Variants in CAMK2N1 observed in about 807,000 individuals in gnomAD.
The protein encoded by CAMK2N1 is calcium/calmodulin-dependent protein kinase II inhibitor 1.
Under a neutral mutation model 6.4 loss-of-function variants are expected in CAMK2N1, and 2 were observed. That is an observed-to-expected ratio of 0.31 (90% confidence interval 0.13 to 0.98). The LOEUF is 0.98. CAMK2N1 is among the 50% of genes least tolerant of loss of function. The probability of loss-of-function intolerance (pLI) is 0.51; values close to 1 mark genes in which losing one functional copy is unlikely to be tolerated. For missense variants in CAMK2N1, 77 were observed against 107.3 expected (o/e 0.72, Z 1.25); for synonymous variants, 42 against 47.5 (o/e 0.88, Z 0.47).
rs749065372 is a variant in CAMK2N1, at chr1:20,483,723, CA to C, written c.167-5del. 5 of 1,613,308 alleles carry C rather than the reference CA, an allele frequency of 3.1e-6. No individual in the cohort carries two copies. In the African/African-American group the frequency reaches 5.3e-5, roughly 17 times the overall value. On this transcript the variant is annotated splice_polypyrimidine_tract_variant and splice_region_variant and intron_variant, in intron 1 of 1. Coordinates refer to ENST00000375078, the MANE Select transcript of CAMK2N1 (RefSeq NM_018584.6). ...ATCCTATCATCTTCAATAACAACTG[CA>C]AAAAAAGGGGGGAAAAGAGAGGTGA... is the stretch of plus-strand genomic sequence containing the variant.
At position 20,485,087 on chromosome 1, in the gene CAMK2N1, C is replaced by G; in HGVS notation, c.166+127G>C. 3.6e-6 allele frequency: 4 copies of G among 1,113,250 alleles called. No individual in the cohort carries two copies. In the South Asian group the frequency reaches 6.8e-5, roughly 19 times the overall value. 69.0% of individuals were successfully genotyped at this position (1,113,250 alleles called of 1,614,324 possible). A position where few individuals can be genotyped will look rare whatever the true frequency, so the allele number is the denominator to read the frequency against. On this transcript the variant is annotated intron_variant, in intron 1 of 1. Coordinates refer to ENST00000375078, the MANE Select transcript of CAMK2N1 (RefSeq NM_018584.6). This position sits in a 1 kb window ranked among gnomAD's most constrained non-coding sequence, Gnocchi z 8.4. ...CAGCCGGACCCGCAGTGCGGGATCC[C>G]CCAATTCTGCAAGAAGGGATTCCGT...
Position 20,482,494 on chromosome 1 carries a change from G to C in CAMK2N1, c.*1155C>G, listed in dbSNP as rs1016925181. On this transcript the variant is annotated 3_prime_UTR_variant, in exon 2 of 2. Transcript: ENST00000375078. ...ATTGAATTAAGAAAAGAGGGAACGG[G>C]GAAGGGAAGGGAAACCTCTTGAGGT... is the stretch of plus-strand genomic sequence containing the variant. The C allele has an allele frequency of 2.7e-4, 41 of 152,552 alleles. No homozygotes were observed. The highest frequency in any genetic ancestry group is 7.3e-5 in the Non-Finnish European group (5 of 68,032). 9.4% of individuals were successfully genotyped at this position (152,552 alleles called of 1,614,324 possible).
At position 20,484,122 on chromosome 1, in the gene CAMK2N1, G is replaced by A. The variant is rs998645843; in HGVS notation, c.167-403C>T. Among the ~76,000 whole-genome samples the A allele has an allele frequency of 4.6e-5, 7 of 152,224 alleles. No homozygotes were observed. Among genetic ancestry groups the A allele is most frequent in the African/African-American group, 7.2e-5 (3 of 41,470 alleles). ...TCGGGACCCCAGGTAAGTCCCGAGC[G>A]CAGCTCCGGTGGGCAAGGCTAGGTG... On this transcript the variant is annotated intron_variant, in intron 1 of 1. Transcript: ENST00000375078. The surrounding 1 kb of genome is among the most constrained non-coding windows in gnomAD (Gnocchi z 6.8).
Position 20,483,504 on chromosome 1 carries a change from G to C in CAMK2N1, c.*145C>G. The stretch of plus-strand genomic sequence containing the variant: ...CTCCTCTCGCCTCATCTGTCTCCCG[G>C]CCTGATACCAGATACAGGTTGTTGA... On this transcript the variant is annotated 3_prime_UTR_variant, in exon 2 of 2. Transcript: ENST00000375078. The C allele has an allele frequency of 1.4e-6, 1 of 700,854 alleles. No homozygotes were observed. Among genetic ancestry groups the C allele is most frequent in the South Asian group, 1.7e-5 (1 of 57,878 alleles). The allele number at this position is 700,854 out of a possible 1,614,324, so 43.4% of individuals were successfully genotyped here.
rs954677224 is a variant in CAMK2N1, at chr1:20,484,430, C to T, written c.167-711G>A. The T allele has an allele frequency of 2.0e-5, 3 of 152,306 alleles. No individual in the cohort carries two copies. The highest frequency in any genetic ancestry group is 4.8e-5 in the African/African-American group (2 of 41,446). 9.4% of individuals were successfully genotyped at this position (152,306 alleles called of 1,614,324 possible). A position where few individuals can be genotyped will look rare whatever the true frequency, so the allele number is the denominator to read the frequency against. On this transcript the variant is annotated intron_variant, in intron 1 of 1. Transcript: ENST00000375078. This position sits in a 1 kb window ranked among gnomAD's most constrained non-coding sequence, Gnocchi z 6.8. Reference sequence around the variant, plus strand: ...GTCCCTCGGCGCGACGGCCGGCAGCCGATCGAGGTCTCTGTCTCTCCCTGT... The same window carrying T: ...GTCCCTCGGCGCGACGGCCGGCAGCTGATCGAGGTCTCTGTCTCTCCCTGT...
rs1206797663 is a variant in CAMK2N1 at position 20,484,934 on chromosome 1, G to A, written c.166+280C>T. ...ACACTGCGCAAAAGGCGGGGGTGGG[G>A]GGCGCAAATCAAAAAGCAAACTTTG... On this transcript the variant is annotated intron_variant, in intron 1 of 1. Coordinates refer to ENST00000375078, the MANE Select transcript of CAMK2N1 (RefSeq NM_018584.6). The surrounding 1 kb of genome is among the most constrained non-coding windows in gnomAD (Gnocchi z 6.8). Among the ~76,000 whole-genome samples the A allele has an allele frequency of 6.6e-6, 1 of 152,178 alleles. No individual in the cohort carries two copies. The highest frequency in any genetic ancestry group is 1.5e-5 in the Non-Finnish European group (1 of 68,020).
In CAMK2N1 at chr1:20,482,637, G is replaced by C. The variant is rs756952196; in HGVS notation, c.*1012C>G. On this transcript the variant is annotated 3_prime_UTR_variant, in exon 2 of 2. Transcript: ENST00000375078. ...GAGAATCCCTATAAATAACAGAAAA[G>C]ACACTCCAAGCATTCCTGTACGTGG... The C allele has an allele frequency of 6.6e-6, 1 of 152,518 alleles. No individual in the cohort carries two copies. The highest frequency in any genetic ancestry group is 1.5e-5 in the Non-Finnish European group (1 of 68,024). The allele number at this position is 152,518 out of a possible 1,614,324, so 9.4% of individuals were successfully genotyped here.
Position 20,485,152 on chromosome 1 carries a change from A to G in CAMK2N1, c.166+62T>C. ...CTCCAGCGGGTGGGAGACCTCCGCA[A>G]CCCTTGTTCAGGCCGCGGCGCGGGA... is the stretch of plus-strand genomic sequence containing the variant. On this transcript the variant is annotated intron_variant, in intron 1 of 1. Transcript: ENST00000375078. This position sits in a 1 kb window ranked among gnomAD's most constrained non-coding sequence, Gnocchi z 8.4. 1 of 1,511,670 alleles carries G rather than the reference A, an allele frequency of 6.6e-7. No homozygotes were observed. 93.6% of individuals were successfully genotyped at this position (1,511,670 alleles called of 1,614,324 possible). A position where few individuals can be genotyped will look rare whatever the true frequency, so the allele number is the denominator to read the frequency against.
At position 20,486,207 on chromosome 1, in the gene CAMK2N1, A is replaced by G. The variant is rs1570323949; in HGVS notation, c.-828T>C. On this transcript the variant is annotated 5_prime_UTR_variant, in exon 1 of 2. Coordinates refer to ENST00000375078, the MANE Select transcript of CAMK2N1 (RefSeq NM_018584.6). The surrounding 1 kb of genome is among the most constrained non-coding windows in gnomAD (Gnocchi z 6.5). ...AGAGGAGGCAGCGAGCTGCGAGGAG[A>G]AATGCCGGCCGCGGCGCCGAGGCGA... 6.7e-6 allele frequency: 1 copy of G among 149,894 alleles called. No homozygotes were observed. Among genetic ancestry groups the G allele is most frequent in the East Asian group, 2.1e-4 (1 of 4,838 alleles). 9.3% of individuals were successfully genotyped at this position (149,894 alleles called of 1,614,324 possible).
At position 20,485,124 on chromosome 1, in the gene CAMK2N1, G is replaced by A; in HGVS notation, c.166+90C>T. ...AGAAGGGATTCCGTCAGGTCTGAAC[G>A]GGCTCCAGCGGGTGGGAGACCTCCG... On this transcript the variant is annotated intron_variant, in intron 1 of 1. Transcript: ENST00000375078. This position sits in a 1 kb window ranked among gnomAD's most constrained non-coding sequence, Gnocchi z 8.4. The A allele has an allele frequency of 7.3e-7, 1 of 1,377,538 alleles. No individual in the cohort carries two copies. Among genetic ancestry groups the A allele is most frequent in the South Asian group, 1.4e-5 (1 of 72,674 alleles). 85.3% of individuals were successfully genotyped at this position (1,377,538 alleles called of 1,614,324 possible).
intron 1 of CAMK2N1, 93 bp from the exon 2 acceptor site, chr1:20,483,812 G>C: frequency 8.8e-7 from 1 of 1,137,798 alleles, no homozygotes; most frequent in South Asian, 1.2e-5. Flanking sequence ...GGGAGGTCGG[G>C]AGAGGAGAGG....
rs2051485587 is a variant in CAMK2N1 at position 20,483,561 on chromosome 1, T to C, written c.*88A>G. The C allele has an allele frequency of 7.5e-6, 9 of 1,204,950 alleles. No individual in the cohort carries two copies. Among genetic ancestry groups the C allele is most frequent in the Non-Finnish European group, 1.1e-5 (9 of 810,096 alleles). The allele number at this position is 1,204,950 out of a possible 1,614,324, so 74.6% of individuals were successfully genotyped here. ...CGTGGGTAGCAAGCTAGTAATAAAT[T>C]TCAAAGTGCTTTCTCTTTTCATGCT... On this transcript the variant is annotated 3_prime_UTR_variant, in exon 2 of 2. Coordinates refer to ENST00000375078, the MANE Select transcript of CAMK2N1 (RefSeq NM_018584.6).
Position 20,483,646 on chromosome 1 carries a change from G to A in CAMK2N1, c.*3C>T, listed in dbSNP as rs778043761. The stretch of plus-strand genomic sequence containing the variant: ...CTCCCTTAACTCATTGTCTTTGGGG[G>A]AGTTAGACACCAGGAGGTGCCTTGT... On this transcript the variant is annotated 3_prime_UTR_variant, in exon 2 of 2. Coordinates refer to ENST00000375078, the MANE Select transcript of CAMK2N1 (RefSeq NM_018584.6). The A allele has an allele frequency of 1.2e-6, 2 of 1,611,778 alleles. No homozygotes were observed. Among genetic ancestry groups the A allele is most frequent in the East Asian group, 4.5e-5 (2 of 44,872 alleles).
Position 20,482,626 on chromosome 1 carries a change from A to G in CAMK2N1, c.*1023T>C, listed in dbSNP as rs984440564. The stretch of plus-strand genomic sequence containing the variant: ...GTGTGCCTTAAGAGAATCCCTATAA[A>G]TAACAGAAAAGACACTCCAAGCATT... On this transcript the variant is annotated 3_prime_UTR_variant, in exon 2 of 2. Transcript: ENST00000375078. The G allele has an allele frequency of 6.6e-6, 1 of 152,596 alleles. No individual in the cohort carries two copies. Among genetic ancestry groups the G allele is most frequent in the African/African-American group, 2.4e-5 (1 of 41,458 alleles). The allele number at this position is 152,596 out of a possible 1,614,324, so 9.5% of individuals were successfully genotyped here.
In CAMK2N1 at chr1:20,483,632, C is replaced by A; in HGVS notation, c.*17G>T. On this transcript the variant is annotated 3_prime_UTR_variant, in exon 2 of 2. Coordinates refer to ENST00000375078, the MANE Select transcript of CAMK2N1 (RefSeq NM_018584.6). Reference sequence around the variant, plus strand: ...GCCGTTCTTATTCTCTCCCTTAACTCATTGTCTTTGGGGGAGTTAGACACC... The same window carrying A: ...GCCGTTCTTATTCTCTCCCTTAACTAATTGTCTTTGGGGGAGTTAGACACC... The A allele has an allele frequency of 6.2e-7, 1 of 1,605,702 alleles. No homozygotes were observed. The highest frequency in any genetic ancestry group is 8.5e-7 in the Non-Finnish European group (1 of 1,172,402).
rs904890495 is a variant in CAMK2N1 at position 20,485,623 on chromosome 1, C to G, written c.-244G>C. 6.7e-6 allele frequency: 1 copy of G among 150,194 alleles called. No individual in the cohort carries two copies. Among genetic ancestry groups the G allele is most frequent in the Non-Finnish European group, 1.5e-5 (1 of 67,470 alleles). 9.3% of individuals were successfully genotyped at this position (150,194 alleles called of 1,614,324 possible). ...CTCCGGCTCCGCGCGCGAGTGGCTG[C>G]TGCTCCGCCAGAGGCGAGCAGGACT... On this transcript the variant is annotated 5_prime_UTR_variant, in exon 1 of 2. Coordinates refer to ENST00000375078, the MANE Select transcript of CAMK2N1 (RefSeq NM_018584.6). The surrounding 1 kb of genome is among the most constrained non-coding windows in gnomAD (Gnocchi z 8.4).
In CAMK2N1 at chr1:20,485,070, C is replaced by T. The variant is rs2051499598; in HGVS notation, c.166+144G>A. The T allele has an allele frequency of 7.2e-6, 7 of 971,228 alleles. No homozygotes were observed. In the Admixed American group the frequency reaches 1.4e-4, roughly 19 times the overall value. 60.2% of individuals were successfully genotyped at this position (971,228 alleles called of 1,614,324 possible). A position where few individuals can be genotyped will look rare whatever the true frequency, so the allele number is the denominator to read the frequency against. Reference sequence around the variant, plus strand: ...GTTCCTGCGACCCGCTTCAGCCGGACCCGCAGTGCGGGATCCCCCAATTCT... The same window carrying T: ...GTTCCTGCGACCCGCTTCAGCCGGATCCGCAGTGCGGGATCCCCCAATTCT... On this transcript the variant is annotated intron_variant, in intron 1 of 1. Coordinates refer to ENST00000375078, the MANE Select transcript of CAMK2N1 (RefSeq NM_018584.6). The surrounding 1 kb of genome is among the most constrained non-coding windows in gnomAD (Gnocchi z 8.4).
Position 20,485,714 on chromosome 1 carries a change from A to C in CAMK2N1, c.-335T>G, listed in dbSNP as rs1405803812. ...CGGGCGGGGCCGCGAGCCGGGAGGG[A>C]GGAGACGTCCCTGCGAGCCCGGAGG... On this transcript the variant is annotated 5_prime_UTR_variant, in exon 1 of 2. Coordinates refer to ENST00000375078, the MANE Select transcript of CAMK2N1 (RefSeq NM_018584.6). This position sits in a 1 kb window ranked among gnomAD's most constrained non-coding sequence, Gnocchi z 8.4. 2.0e-5 allele frequency: 3 copies of C among 150,564 alleles called. No homozygotes were observed. Among genetic ancestry groups the C allele is most frequent in the Non-Finnish European group, 4.5e-5 (3 of 67,304 alleles). 9.3% of individuals were successfully genotyped at this position (150,564 alleles called of 1,614,324 possible). A position where few individuals can be genotyped will look rare whatever the true frequency, so the allele number is the denominator to read the frequency against.
At position 20,485,260 on chromosome 1, in the gene CAMK2N1, C is replaced by G; in HGVS notation, c.120G>C (p.Gln40His). Residue 40 changes from glutamine (Q) to histidine (H), a missense_variant, in exon 1 of 2, where the codon CAG becomes CAC. Coordinates refer to ENST00000375078, the MANE Select transcript of CAMK2N1 (RefSeq NM_018584.6). The surrounding 1 kb of genome is among the most constrained non-coding windows in gnomAD (Gnocchi z 8.4). ...QDTNNFFGAG[Q>H]NKRPPKLGQI... The stretch of plus-strand genomic sequence containing the variant: ...GGCCCAGCTTGGGCGGCCGCTTGTT[C>G]TGCCCGGCGCCGAAGAAGTTGTTGG... The G allele has an allele frequency of 6.3e-7, 1 of 1,597,516 alleles. No individual in the cohort carries two copies. The highest frequency in any genetic ancestry group is 8.5e-7 in the Non-Finnish European group (1 of 1,174,766).
Sources: gnomAD v4.1 joint callset for allele counts (sites outside exome capture counted in the v4.1 genomes callset) on GRCh38, gnomAD v4.1.1 for gene constraint, Gnocchi (gnomAD v3.1) non-coding constraint, MANE v1.5 for transcripts, NCBI Gene and HGNC (gene_info 2026-07-23, HGNC 2026-07-21) for gene names.